SPATA6L: variants seen among roughly 807,000 people sequenced by gnomAD.
The protein encoded by SPATA6L is spermatogenesis associated 6 like, also known as spermatogenesis associated 6-like protein.
A neutral mutation model predicts 49.2 loss-of-function variants in SPATA6L; 68 were observed. The observed-to-expected ratio is 1.38, with a 90% CI of 1.14 to 1.69. The LOEUF is 1.69. Among genes scored for constraint, SPATA6L ranks in the 40% most tolerant of loss-of-function variants. The pLI, the probability that SPATA6L is intolerant of heterozygous loss-of-function variation, is 0.00. For synonymous variants in SPATA6L, 198 were observed against 165.7 expected, an observed-to-expected ratio of 1.19 and a Z score of -1.50; for missense variants, 668 against 464.3, an observed-to-expected ratio of 1.44 and a Z score of -4.03.
At chr9:4,638,138 A>C (rs1349645402) in intron 3 of SPATA6L, among the ~76,000 whole-genome samples, 1 of 152,086 alleles carries the variant, frequency 6.6e-6, no homozygotes, top group Non-Finnish European at 1.5e-5. Flanking sequence ...ATTAATTTCC[A>C]TAAGAGTAAA....
intron 7 of SPATA6L, among the ~76,000 whole-genome samples, chr9:4,619,280 C>A (rs1013499334): frequency 6.6e-6 from 1 of 151,652 alleles, no homozygotes; most frequent in South Asian, 2.1e-4. Context: ...CCTCAGCCTC[C>A]CGAGTAGCTG....
intron 4 of SPATA6L, among the ~76,000 whole-genome samples, chr9:4,630,790 G>A (rs532260985): frequency 2.0e-5 from 3 of 152,274 alleles, no homozygotes; most frequent in East Asian, 1.9e-4. Context: ...CATATACCAG[G>A]TATTGTGCTA....
chr9:4,612,831 G>T (rs763057708), intron 9 of SPATA6L, among the ~76,000 whole-genome samples: 32 of 152,124 alleles, frequency 2.1e-4, no homozygotes, highest in Non-Finnish European at 3.7e-4. Flanking sequence ...GAGGGGGATG[G>T]TTACCAAATC....
chr9:4,653,221 T>C (rs1287570576), intron 3 of SPATA6L, among the ~76,000 whole-genome samples: 1 of 152,230 alleles, frequency 6.6e-6, no homozygotes, highest in Non-Finnish European at 1.5e-5. Flanking sequence ...TACTGTAAGC[T>C]GAATTTCAAC....
At chr9:4,600,980 C>T (rs896659883) in intron 11 of SPATA6L, among the ~76,000 whole-genome samples, 171 bp from the exon 12 acceptor site, 2 of 152,316 alleles carry the variant, frequency 1.3e-5, no homozygotes, top group African/African-American at 2.4e-5. Context: ...AACAGAATAA[C>T]CCAGTGAGCA....
intron 11 of SPATA6L, among the ~76,000 whole-genome samples, chr9:4,601,146 A>C (rs899068668): frequency 6.6e-6 from 1 of 152,192 alleles, no homozygotes; most frequent in Admixed American, 6.5e-5. Context: ...AACGTGTTCC[A>C]ATTAACTATA....
chr9:4,597,176 G>C (rs992643587), downstream of SPATA6L, among the ~76,000 whole-genome samples: 8 of 152,184 alleles, frequency 5.3e-5, no homozygotes, highest in African/African-American at 1.9e-4. Flanking sequence ...TACTCGGAGG[G>C]GCGCAGTGGC....
Position 4,604,199 on chromosome 9 carries a change from T to G in SPATA6L, c.1160A>C (p.His387Pro), listed in dbSNP as rs201496917. The G allele has an allele frequency of 1.2e-6, 2 of 1,611,496 alleles. No homozygotes were observed. The highest frequency in any genetic ancestry group is 8.5e-7 in the Non-Finnish European group (1 of 1,178,160). The change falls in exon 11 of 12, where the codon CAT becomes CCT. Residue 387 changes from histidine to proline, a missense_variant. His to Pro is a moderately conservative substitution (Grantham distance 77). Transcript: ENST00000682582. ...AGTACCTTAAAAATATCTCTGTTCA[T>G]GCAGTGAGTATTTCTTCAGAGGGTA... ...PSYPLKKYSL[H>P]EQRYF
chr9:4,643,841 C>T (rs946398557), intron 3 of SPATA6L, among the ~76,000 whole-genome samples: 5 of 151,996 alleles, frequency 3.3e-5, no homozygotes, highest in African/African-American at 4.8e-5. Flanking sequence ...CCTGACTCTA[C>T]AAAAAATACA....
intron 2 of SPATA6L, among the ~76,000 whole-genome samples, chr9:4,661,508 A>T (rs1205724972): frequency 6.6e-6 from 1 of 150,974 alleles, no homozygotes; most frequent in Non-Finnish European, 1.5e-5. Flanking sequence ...TAATTTCATT[A>T]TTTTTTTTTC....
chr9:4,644,429 G>GA (rs970627010), intron 3 of SPATA6L, among the ~76,000 whole-genome samples: 7 of 151,040 alleles, frequency 4.6e-5, no homozygotes, highest in East Asian at 1.9e-4. Flanking sequence ...GCTAATAACA[G>GA]AAAAAAAACT....
chr9:4,626,986 GT>G (rs138050835), intron 5 of SPATA6L: 37,295 of 151,860 alleles, frequency 0.25, 6,998 homozygotes, highest in African/African-American at 0.5. Flanking sequence ...GAATGAGACA[GT>G]TTTTTTTAAG....
At chr9:4,635,166 A>C in intron 4 of SPATA6L, 109 bp downstream of exon 4, 1 of 1,216,918 alleles carries the variant, frequency 8.2e-7, no homozygotes, top group Non-Finnish European at 1.1e-6. Context: ...ACTAAACAGA[A>C]CAGCAGGGGT....
rs538206060 is a variant in SPATA6L, at chr9:4,663,427, ACTGGC to A, written c.40-1396_40-1392del. Reference sequence around the variant, plus strand: ...GATGTGCTGCTAGGCTGGAGCACACACTGGCCATTACTGAACACAGCCATATTAGG... The same window carrying A: ...GATGTGCTGCTAGGCTGGAGCACACACATTACTGAACACAGCCATATTAGG... On this transcript the variant is annotated intron_variant, in intron 1 of 11. Transcript: ENST00000682582. 2,007 of 733,128 alleles carry A rather than the reference ACTGGC, an allele frequency of 2.7e-3. 11 individuals carry two copies. Among genetic ancestry groups the A allele is most frequent in the Non-Finnish European group, 3.0e-3 (1,291 of 435,972 alleles). 45.4% of individuals were successfully genotyped at this position (733,128 alleles called of 1,614,324 possible). A position where few individuals can be genotyped will look rare whatever the true frequency, so the allele number is the denominator to read the frequency against.
intron 1 of SPATA6L, chr9:4,663,608 C>A: frequency 3.9e-6 from 1 of 254,036 alleles, no homozygotes; most frequent in Non-Finnish European, 8.2e-6. Flanking sequence ...GTGATAATCC[C>A]TAAATCAACA....
chr9:4,656,731 T>A (rs574295897), intron 2 of SPATA6L, among the ~76,000 whole-genome samples: 5 of 152,334 alleles, frequency 3.3e-5, no homozygotes, highest in African/African-American at 1.2e-4. Context: ...GACCTAGCTC[T>A]ACTGTTTGTT....
intron 3 of SPATA6L, among the ~76,000 whole-genome samples, chr9:4,639,613 A>T (rs750522023): frequency 6.6e-6 from 1 of 152,220 alleles, no homozygotes; most frequent in Admixed American, 6.5e-5. Context: ...GTTAGAAATA[A>T]TAAACATATT....
At chr9:4,591,150 T>A (rs1821877437) in intron 13 of SPATA6L, among the ~76,000 whole-genome samples, 1 of 152,184 alleles carries the variant, frequency 6.6e-6, no homozygotes, top group Non-Finnish European at 1.5e-5. Context: ...TTGGTCATCC[T>A]GGAAGGGCAG....
rs1587572044 is a variant in SPATA6L at position 4,662,798 on chromosome 9, A to C, written c.40-762T>G. ...TTATGAAGCTGCTGGAGATCTCGGG[A>C]CACGGCATCCCCTGGCTGCTGGGCA... On this transcript the variant is annotated intron_variant, in intron 1 of 11. Transcript: ENST00000682582. The surrounding 1 kb of genome is among the most constrained non-coding windows in gnomAD (Gnocchi z 4.9). 2 of 1,605,028 alleles carry C rather than the reference A, an allele frequency of 1.2e-6. No homozygotes were observed. Among genetic ancestry groups the C allele is most frequent in the Non-Finnish European group, 1.7e-6 (2 of 1,179,930 alleles).
Sources: gnomAD v4.1 joint callset for allele counts (sites outside exome capture counted in the v4.1 genomes callset) on GRCh38, gnomAD v4.1.1 for gene constraint, Gnocchi (gnomAD v3.1) non-coding constraint, MANE v1.5 for transcripts, NCBI Gene and HGNC (gene_info 2026-07-23, HGNC 2026-07-21) for gene names.